GPM6A: variants seen among roughly 807,000 people sequenced by gnomAD.
GPM6A encodes neuronal membrane glycoprotein M6-a.
Under a neutral mutation model 32.1 loss-of-function variants are expected in GPM6A, and 7 were observed. That is an observed-to-expected ratio of 0.22 (90% CI 0.12 to 0.41). The LOEUF (loss-of-function observed/expected upper bound fraction) is 0.41. Among genes scored for constraint, GPM6A ranks in the 10% least tolerant of loss-of-function variants. The pLI is 1.00. For synonymous variants in GPM6A, 130 were observed against 123.4 expected, an observed-to-expected ratio of 1.05 and a Z score of -0.35; for missense variants, 235 against 347.2, an observed-to-expected ratio of 0.68 and a Z score of 2.57.
rs559881601 is a variant in GPM6A, at chr4:175,736,294, C to T, written c.38-34527G>A. Among the ~76,000 whole-genome samples the T allele has an allele frequency of 4.6e-5, 7 of 152,180 alleles. No individual in the cohort carries two copies. In the South Asian group the frequency reaches 6.2e-4, roughly 14 times the overall value. ...TCCTTCCAAAGCACTGGGATTATAG[C>T]GCGACCCACAGCACATGGCATAAAA... On this transcript the variant is annotated intron_variant, in intron 1 of 6. Coordinates refer to ENST00000393658, the MANE Select transcript of GPM6A (RefSeq NM_201591.3).
chr4:176,001,066 A>G (rs1187602339), intron 1 of GPM6A, among the ~76,000 whole-genome samples: 2 of 152,162 alleles, frequency 1.3e-5, no homozygotes, highest in African/African-American at 4.8e-5. Context: ...ATAGGCAAAA[A>G]TGTCCTCAGC....
At position 175,915,807 on chromosome 4, in the gene GPM6A, T is replaced by C. The variant is rs1403028382; in HGVS notation, c.-23+86502A>G. Among the ~76,000 whole-genome samples, 3 of 151,314 alleles carry C rather than the reference T, an allele frequency of 2.0e-5. No homozygotes were observed. The South Asian group carries it at 6.2e-4, about 31-fold the overall frequency. On this transcript the variant is annotated intron_variant, in intron 1 of 7. Transcript: ENST00000280187. ...GCTGTCTGGTGATATGTTAGTCTTTTTGTGTTGTCCTTGGTAGTTGCTTTG... is the reference window on the plus strand; with the variant it reads ...GCTGTCTGGTGATATGTTAGTCTTTCTGTGTTGTCCTTGGTAGTTGCTTTG...
intron 3 of GPM6A, among the ~76,000 whole-genome samples, chr4:175,662,724 T>C (rs1468639447): frequency 6.6e-6 from 1 of 151,950 alleles, no homozygotes; most frequent in Non-Finnish European, 1.5e-5. Context: ...AAGAGCAATA[T>C]ACAGATATAT....
chr4:175,997,901 A>G (rs538796657), intron 1 of GPM6A, among the ~76,000 whole-genome samples: 37 of 152,252 alleles, frequency 2.4e-4, no homozygotes, highest in African/African-American at 8.9e-4. Context: ...TGGGGCATTT[A>G]GTACGTATCA....
chr4:175,838,644 ATTTTTT>A (rs569099649), intron 1 of GPM6A, among the ~76,000 whole-genome samples: 9 of 79,800 alleles, frequency 1.1e-4, no homozygotes, highest in African/African-American at 4.0e-4. Context: ...CTAGCAGTGA[ATTTTTT>A]TTTTTTTTTT....
intron 1 of GPM6A, among the ~76,000 whole-genome samples, chr4:175,959,055 G>A (rs945280899): frequency 1.3e-5 from 2 of 151,950 alleles, no homozygotes; most frequent in African/African-American, 4.8e-5. Flanking sequence ...AAACCCTATA[G>A]TTACAATATA....
chr4:175,978,824 G>A (rs936400463), intron 1 of GPM6A, among the ~76,000 whole-genome samples: 16 of 152,000 alleles, frequency 1.1e-4, no homozygotes, highest in Non-Finnish European at 2.2e-4. Flanking sequence ...CTCTCTAAGT[G>A]AGTCTGATGC....
intron 1 of GPM6A, among the ~76,000 whole-genome samples, chr4:175,830,248 T>C (rs1382381158): frequency 7.2e-5 from 11 of 152,184 alleles, no homozygotes; most frequent in Admixed American, 7.2e-4. Flanking sequence ...TTGTTTTTTA[T>C]TTTTATTGAG....
intron 2 of GPM6A, among the ~76,000 whole-genome samples, chr4:175,681,773 T>A (rs1175985295): frequency 6.6e-6 from 1 of 152,194 alleles, no homozygotes; most frequent in East Asian, 1.9e-4. Flanking sequence ...CCATGCTTCC[T>A]GTAAAACCTG....
At chr4:175,832,058 T>C (rs1377310682) in intron 1 of GPM6A, among the ~76,000 whole-genome samples, 1 of 152,034 alleles carries the variant, frequency 6.6e-6, no homozygotes, top group African/African-American at 2.4e-5. Context: ...ATGCTGGAAG[T>C]ACCTTCCCTG....
chr4:175,737,464 G>A (rs1731709465), intron 1 of GPM6A, among the ~76,000 whole-genome samples: 1 of 151,310 alleles, frequency 6.6e-6, no homozygotes, highest in African/African-American at 2.4e-5. Context: ...CCGAGATTGT[G>A]CCATTGCACT....
intron 2 of GPM6A, among the ~76,000 whole-genome samples, chr4:175,694,102 T>A (rs115571932): frequency 0.024 from 3,695 of 152,264 alleles, 75 homozygotes; most frequent in Non-Finnish European, 0.038. Context: ...AGCATCATGC[T>A]TTATGTACAG....
chr4:175,877,025 G>T (rs1484950366), intron 1 of GPM6A, among the ~76,000 whole-genome samples: 1 of 152,150 alleles, frequency 6.6e-6, no homozygotes, highest in Non-Finnish European at 1.5e-5. Flanking sequence ...CAGCTCCCCA[G>T]CTTTGGAGGC....
At chr4:175,913,956 A>C (rs1055126118) in intron 1 of GPM6A, among the ~76,000 whole-genome samples, 1 of 152,096 alleles carries the variant, frequency 6.6e-6, no homozygotes, top group Non-Finnish European at 1.5e-5. Context: ...GTGACTGTAA[A>C]CCAAAGAAGT....
chr4:175,797,691 G>A (rs1008426655), intron 1 of GPM6A, among the ~76,000 whole-genome samples: 1 of 152,068 alleles, frequency 6.6e-6, no homozygotes, highest in African/African-American at 2.4e-5. Flanking sequence ...ACTTTTTGAA[G>A]TAGTCAAGGG....
chr4:175,894,449 G>C (rs1466792253), intron 1 of GPM6A, among the ~76,000 whole-genome samples: 1 of 152,116 alleles, frequency 6.6e-6, no homozygotes, highest in East Asian at 1.9e-4. Context: ...CTGTCTGATA[G>C]AGTGACTCCC....
Position 175,842,236 on chromosome 4 carries a change from T to A in GPM6A, c.-22-29987A>T, listed in dbSNP as rs1288930649. Among the ~76,000 whole-genome samples, 3 of 152,306 alleles carry A rather than the reference T, an allele frequency of 2.0e-5. No individual in the cohort carries two copies. In the East Asian group the frequency reaches 5.8e-4, roughly 29 times the overall value. ...TTTAAATGATTCTCCAAAAGCAAATTTAGCATTAACGTATGTAAAATAATT... is the reference window on the plus strand; with the variant it reads ...TTTAAATGATTCTCCAAAAGCAAATATAGCATTAACGTATGTAAAATAATT... On this transcript the variant is annotated intron_variant, in intron 1 of 7. Coordinates refer to the GPM6A transcript ENST00000280187.
At chr4:175,703,307 G>A (rs1192133043) in intron 1 of GPM6A, among the ~76,000 whole-genome samples, 2 of 152,050 alleles carry the variant, frequency 1.3e-5, no homozygotes, top group Non-Finnish European at 2.9e-5. Context: ...GAGTAGCTGG[G>A]ACTACTGGCG....
chr4:175,723,364 G>T (rs1746241859), intron 1 of GPM6A, among the ~76,000 whole-genome samples: 1 of 151,992 alleles, frequency 6.6e-6, no homozygotes. Context: ...GTGTGTTAGG[G>T]TTTTCTCCCT....
Sources: gnomAD v4.1 joint callset for allele counts (sites outside exome capture counted in the v4.1 genomes callset) on GRCh38, gnomAD v4.1.1 for gene constraint, MANE v1.5 for transcripts, NCBI Gene and HGNC (gene_info 2026-07-23, HGNC 2026-07-21) for gene names.